NRG1: variants seen among roughly 807,000 people sequenced by gnomAD.
NRG1 encodes the protein neuregulin 1, also known as pro-neuregulin-1, membrane-bound isoform.
Under a neutral mutation model 63.8 loss-of-function variants are expected in NRG1, and 18 were observed. That is an observed-to-expected ratio of 0.28 (90% CI 0.19 to 0.42). The LOEUF (loss-of-function observed/expected upper bound fraction) is 0.42. Among genes scored for constraint, NRG1 ranks in the 10% least tolerant of loss-of-function variants. The pLI is 1.00. For missense variants in NRG1, 762 were observed against 814.7 expected (o/e 0.94, Z 0.79); for synonymous variants, 302 against 301.3 (o/e 1.00, Z -0.02).
At chr8:32,188,211 C>T (rs992864354) in intron 1 of NRG1, among the ~76,000 whole-genome samples, 1 of 152,108 alleles carries the variant, frequency 6.6e-6, no homozygotes, top group Non-Finnish European at 1.5e-5. Context: ...GGATTACAGG[C>T]ATTCACCACC....
chr8:32,082,365 C>G (rs994088309), intron 1 of NRG1, among the ~76,000 whole-genome samples: 13 of 152,014 alleles, frequency 8.6e-5, no homozygotes, highest in Admixed American at 8.5e-4. Context: ...TCCTCCTACC[C>G]TCCACCCTCC....
At chr8:32,544,074 T>C (rs1227789957), upstream of NRG1, among the ~76,000 whole-genome samples, 1 of 152,192 alleles carries the variant, frequency 6.6e-6, no homozygotes, top group Non-Finnish European at 1.5e-5. Flanking sequence ...CTTGTTAATG[T>C]CTCCTATTTA....
At chr8:31,651,784 A>AT (rs1242387149) in intron 1 of NRG1, among the ~76,000 whole-genome samples, 14 of 149,354 alleles carry the variant, frequency 9.4e-5, no homozygotes, top group South Asian at 6.4e-4. Flanking sequence ...GGCTAGGTCC[A>AT]TTTTTTTTTT....
At chr8:32,041,645 A>T (rs1322301454) in intron 1 of NRG1, among the ~76,000 whole-genome samples, 2 of 152,196 alleles carry the variant, frequency 1.3e-5, no homozygotes, top group Non-Finnish European at 2.9e-5. Flanking sequence ...ACGAGAAAGT[A>T]GGTCCCAAGA....
intron 1 of NRG1, among the ~76,000 whole-genome samples, chr8:32,526,805 T>C (rs1323429433): frequency 6.6e-6 from 1 of 152,246 alleles, no homozygotes; most frequent in Non-Finnish European, 1.5e-5. Flanking sequence ...CTCACCTCCT[T>C]GTCTTTTCCC....
chr8:31,945,482 A>G (rs1231943377), intron 1 of NRG1, among the ~76,000 whole-genome samples: 1 of 152,232 alleles, frequency 6.6e-6, no homozygotes, highest in Non-Finnish European at 1.5e-5. Context: ...CACCAAAAAC[A>G]GTATTCCAGG....
intron 1 of NRG1, among the ~76,000 whole-genome samples, chr8:32,281,441 G>A (rs1366793484): frequency 6.6e-6 from 1 of 151,972 alleles, no homozygotes; most frequent in Non-Finnish European, 1.5e-5. Flanking sequence ...GCCTCCCAAA[G>A]TACTTGGATT....
At position 31,907,476 on chromosome 8, in the gene NRG1, G is replaced by T. The variant is rs1284976948; in HGVS notation, c.37+268045G>T. Among the ~76,000 whole-genome samples the T allele has an allele frequency of 4.2e-4, 63 of 151,476 alleles. 2 individuals carry two copies. The highest frequency in any genetic ancestry group is 2.9e-5 in the Non-Finnish European group (2 of 67,962). On this transcript the variant is annotated intron_variant, in intron 1 of 10. Transcript: ENST00000519301. ...TCGAGAGTTATAGAAAACCAGGTTT[G>T]CATCTTGGCTCTGATACCCCTCCCT...
intron 1 of NRG1, among the ~76,000 whole-genome samples, chr8:32,402,950 T>G (rs575723102): frequency 1.3e-5 from 2 of 152,108 alleles, no homozygotes; most frequent in Admixed American, 6.5e-5. Flanking sequence ...ATCACTTACA[T>G]TATTTTTCCT....
chr8:32,601,701 C>T (rs1485413328), intron 2 of NRG1, among the ~76,000 whole-genome samples: 1 of 151,808 alleles, frequency 6.6e-6, no homozygotes, highest in African/African-American at 2.4e-5. Context: ...TCTGATCACC[C>T]TCTTCTAAAG....
intron 1 of NRG1, among the ~76,000 whole-genome samples, chr8:32,438,787 G>C (rs900244566): frequency 2.0e-5 from 3 of 152,114 alleles, no homozygotes; most frequent in African/African-American, 7.2e-5. Context: ...AGTGGCTAAT[G>C]ATGTTGAACA....
At chr8:32,349,429 T>A (rs932029359) in intron 1 of NRG1, among the ~76,000 whole-genome samples, 1 of 152,056 alleles carries the variant, frequency 6.6e-6, no homozygotes, top group African/African-American at 2.4e-5. Flanking sequence ...GAACAACCAA[T>A]AGGAGAAGTG....
intron 1 of NRG1, among the ~76,000 whole-genome samples, chr8:31,777,346 G>T (rs906159137): frequency 9.9e-5 from 15 of 152,220 alleles, no homozygotes; most frequent in African/African-American, 3.6e-4. Flanking sequence ...TCCACTTCCT[G>T]TTAGGGAGAT....
chr8:31,844,373 G>T (rs546697952), intron 1 of NRG1, among the ~76,000 whole-genome samples: 31 of 152,198 alleles, frequency 2.0e-4, no homozygotes, highest in African/African-American at 7.2e-4. Flanking sequence ...CCTCTTACTG[G>T]CTTGTTAAGT....
intron 6 of NRG1, among the ~76,000 whole-genome samples, chr8:32,740,100 G>C (rs1825959618): frequency 6.7e-6 from 1 of 150,134 alleles, no homozygotes; most frequent in Admixed American, 6.6e-5. Flanking sequence ...AAGTTCCCAT[G>C]TGTTTTTTCT....
intron 1 of NRG1, among the ~76,000 whole-genome samples, chr8:32,589,759 G>A (rs6999843): frequency 0.26 from 39,004 of 152,002 alleles, 5,132 homozygotes; most frequent in South Asian, 0.33. Context: ...ATAGCTGCAC[G>A]AATAATATTT....
chr8:32,306,644 T>G (rs2129475603), intron 1 of NRG1, among the ~76,000 whole-genome samples: 1 of 152,314 alleles, frequency 6.6e-6, no homozygotes, highest in Non-Finnish European at 1.5e-5. Flanking sequence ...TGAATCTGCC[T>G]CTCAAAAGCC....
At chr8:32,712,147 A>G (rs533682452) in intron 5 of NRG1, among the ~76,000 whole-genome samples, 2 of 152,266 alleles carry the variant, frequency 1.3e-5, no homozygotes, top group South Asian at 4.1e-4. Flanking sequence ...TTTTCTAGAC[A>G]TCAATTCTAG....
At chr8:32,713,212 T>C (rs1011231154) in intron 5 of NRG1, among the ~76,000 whole-genome samples, 1 of 152,184 alleles carries the variant, frequency 6.6e-6, no homozygotes, top group African/African-American at 2.4e-5. Flanking sequence ...GATAGTCCTA[T>C]ATAGGAAACT....
Sources: gnomAD v4.1 joint callset for allele counts (sites outside exome capture counted in the v4.1 genomes callset) on GRCh38, gnomAD v4.1.1 for gene constraint, MANE v1.5 for transcripts, NCBI Gene and HGNC (gene_info 2026-07-23, HGNC 2026-07-21) for gene names.